The following DCT variants were observed in gnomAD, a reference collection of about 807,000 sequenced individuals.
DCT encodes the protein dopachrome tautomerase.
In DCT, 47 loss-of-function variants were observed where a neutral mutation model predicts 53.0. That is an observed-to-expected ratio of 0.89 (90% CI 0.70 to 1.13). The LOEUF is 1.13. Among genes scored for constraint, DCT ranks in the 50% most tolerant of loss-of-function variants. The probability of loss-of-function intolerance (pLI) is 0.00; values close to 1 mark genes in which losing one functional copy is unlikely to be tolerated. For missense variants in DCT, 669 were observed against 637.4 expected (o/e 1.05, Z -0.53); for synonymous variants, 244 against 237.0 (o/e 1.03, Z -0.27).
chr13:94,460,372 G>T, intron 5 of DCT, 146 bp from the exon 6 acceptor site: 1 of 690,560 alleles, frequency 1.4e-6, no homozygotes. Flanking sequence ...CCAAGAATTT[G>T]CCCCAAACTT....
chr13:94,447,950 A>G (rs561700709), intron 6 of DCT, among the ~76,000 whole-genome samples: 34 of 152,308 alleles, frequency 2.2e-4, no homozygotes, highest in African/African-American at 7.9e-4. Context: ...AAAACATACA[A>G]TAAATGCTCT....
chr13:94,547,984 A>AAAAAT, the DCT span, among the ~76,000 whole-genome samples: 4 of 65,844 alleles, frequency 6.1e-5, no homozygotes, highest in African/African-American at 3.9e-4. Context: ...AAAAAAAAAA[A>AAAAAT]ATATATATAT....
the DCT span, among the ~76,000 whole-genome samples, chr13:94,521,726 C>T: frequency 7.2e-5 from 11 of 151,988 alleles, no homozygotes; most frequent in African/African-American, 2.7e-4. Flanking sequence ...TCAATTGCTG[C>T]TTTTGTTGTT....
the DCT span, among the ~76,000 whole-genome samples, chr13:94,497,490 G>A: frequency 1.3e-5 from 2 of 152,270 alleles, no homozygotes; most frequent in South Asian, 4.1e-4. Flanking sequence ...ATAACCTACT[G>A]TTGACTGGAA....
chr13:94,513,987 C>CAAAAAAAAAA, the DCT span, among the ~76,000 whole-genome samples: 13 of 53,190 alleles, frequency 2.4e-4, 1 homozygote, highest in African/African-American at 9.1e-4. Flanking sequence ...AACTCTGTCT[C>CAAAAAAAAAA]AAAAAAAAAA....
the DCT span, among the ~76,000 whole-genome samples, chr13:94,496,417 C>A: frequency 6.6e-6 from 1 of 152,108 alleles, no homozygotes; most frequent in Admixed American, 6.5e-5. Flanking sequence ...TGGTCTCCAA[C>A]TCCTGGCCTC....
the DCT span, among the ~76,000 whole-genome samples, chr13:94,500,712 G>A: frequency 6.6e-6 from 1 of 152,130 alleles, no homozygotes; most frequent in Non-Finnish European, 1.5e-5. Flanking sequence ...ATCCCATTGT[G>A]TACCACATTT....
At chr13:94,540,391 G>A in the DCT span, among the ~76,000 whole-genome samples, 2 of 152,144 alleles carry the variant, frequency 1.3e-5, no homozygotes, top group African/African-American at 4.8e-5. Context: ...CAGATGCTTT[G>A]TAAAGATGAG....
the DCT span, among the ~76,000 whole-genome samples, chr13:94,543,427 C>T: frequency 6.6e-6 from 1 of 152,196 alleles, no homozygotes; most frequent in African/African-American, 2.4e-5. Flanking sequence ...GGCTATTGGA[C>T]AGCAGTTGTC....
rs1317595635 is a variant in DCT, at chr13:94,437,127, G to A, written c.*2771C>T. 1 of 152,112 alleles carries A rather than the reference G, an allele frequency of 6.6e-6. No homozygotes were observed. Among genetic ancestry groups the A allele is most frequent in the Non-Finnish European group, 1.5e-5 (1 of 68,008 alleles). The allele number at this position is 152,112 out of a possible 1,614,324, so 9.4% of individuals were successfully genotyped here. ...CCTGTTCAAACAGATTCAGAAAATA[G>A]CAATTGTTTGGAAACTCACCAGAAA... On this transcript the variant is annotated 3_prime_UTR_variant, in exon 8 of 8. Coordinates refer to ENST00000377028, the MANE Select transcript of DCT (RefSeq NM_001922.5).
chr13:94,510,473 A>C, the DCT span, among the ~76,000 whole-genome samples: 1 of 152,238 alleles, frequency 6.6e-6, no homozygotes. Flanking sequence ...TTAAAAGACT[A>C]GTATGAAGAA....
the DCT span, among the ~76,000 whole-genome samples, chr13:94,542,409 T>C: frequency 0.062 from 9,495 of 152,238 alleles, 538 homozygotes; most frequent in African/African-American, 0.15. Context: ...CAAGCTGGTC[T>C]CAAAGTCCTG....
the DCT span, among the ~76,000 whole-genome samples, chr13:94,533,812 T>C: frequency 6.6e-6 from 1 of 152,030 alleles, no homozygotes; most frequent in Non-Finnish European, 1.5e-5. Context: ...ATCGAGCAAA[T>C]GTCTCTTACC....
chr13:94,493,807 A>G, the DCT span, among the ~76,000 whole-genome samples: 1 of 152,164 alleles, frequency 6.6e-6, no homozygotes, highest in Admixed American at 6.5e-5. Flanking sequence ...TCTGTGTGAT[A>G]CTGTAACAGT....
At chr13:94,453,979 G>A (rs1195773031) in intron 6 of DCT, among the ~76,000 whole-genome samples, 2 of 152,028 alleles carry the variant, frequency 1.3e-5, no homozygotes, top group African/African-American at 4.8e-5. Context: ...ATTTATACCT[G>A]TAATTGTGAG....
intron 1 of DCT, among the ~76,000 whole-genome samples, chr13:94,471,902 C>T (rs1884670015): frequency 6.6e-6 from 1 of 152,046 alleles, no homozygotes; most frequent in African/African-American, 2.4e-5. Context: ...GCGGATGTTG[C>T]TAGTGGAAGA....
intron 6 of DCT, among the ~76,000 whole-genome samples, chr13:94,451,085 A>C (rs1008929050): frequency 6.6e-5 from 10 of 152,222 alleles, no homozygotes; most frequent in African/African-American, 2.4e-4. Context: ...CCATAGAAAC[A>C]CTGCCACCCT....
chr13:94,463,589 T>C (rs1883965331), intron 4 of DCT, among the ~76,000 whole-genome samples: 1 of 151,904 alleles, frequency 6.6e-6, no homozygotes, highest in South Asian at 2.1e-4. Flanking sequence ...CGTGCCCAGC[T>C]AGGCTAACTT....
At chr13:94,442,192 G>C (rs1882373914) in intron 7 of DCT, among the ~76,000 whole-genome samples, 1 of 152,232 alleles carries the variant, frequency 6.6e-6, no homozygotes, top group Non-Finnish European at 1.5e-5. Flanking sequence ...AGGTCAAAGA[G>C]AGAGAGACTG....
Sources: allele counts gnomAD v4.1 joint callset (sites outside exome capture counted in the v4.1 genomes callset), GRCh38; gene constraint gnomAD v4.1.1; transcripts MANE v1.5; gene names NCBI Gene and HGNC (gene_info 2026-07-23, HGNC 2026-07-21).